The following LRRFIP1 variants were observed in gnomAD, a reference collection of about 807,000 sequenced individuals.
LRRFIP1 encodes LRR binding FLII interacting protein 1.
A neutral mutation model predicts 104.4 loss-of-function variants in LRRFIP1; 62 were observed. That is an observed-to-expected ratio of 0.59 (90% CI 0.48 to 0.73). The LOEUF (loss-of-function observed/expected upper bound fraction) is 0.73. Among genes scored for constraint, LRRFIP1 ranks in the 30% least tolerant of loss-of-function variants. LRRFIP1 has a pLI of 0.00. For synonymous variants in LRRFIP1, 300 were observed against 299.0 expected (o/e 1.00, Z -0.03); for missense variants, 796 against 824.5 (o/e 0.97, Z 0.42).
At chr2:237,658,948 A>G (rs998117457) in intron 1 of LRRFIP1, among the ~76,000 whole-genome samples, 2 of 152,208 alleles carry the variant, frequency 1.3e-5, no homozygotes, top group African/African-American at 2.4e-5. Flanking sequence ...TAATAAAACT[A>G]TATGGTACTA....
chr2:237,720,752 C>A lies in LRRFIP1; in HGVS notation c.295-20C>A. ...GTTGTATGATTCCTTCACGGTTGTT[C>A]TCGTCCTTTCTTTTAATAGGCTTCT... On this transcript the variant is annotated intron_variant, in intron 5 of 23. Transcript: ENST00000308482. 6.2e-7 allele frequency: 1 copy of A among 1,612,258 alleles called. No individual in the cohort carries two copies. The highest frequency in any genetic ancestry group is 1.6e-4 in the Middle Eastern group (1 of 6,062).
At chr2:237,692,629 G>GGGTGGGCTCTGGCGGGACCCCAGCGC in intron 1 of LRRFIP1, 1 of 1,329,754 alleles carries the variant, frequency 7.5e-7, no homozygotes, top group Non-Finnish European at 9.8e-7. Context: ...GGGAGGCGTG[G>GGGTGGGCTCTGGCGGGACCCCAGCGC]GGTGGGCTCT....
intron 1 of LRRFIP1, among the ~76,000 whole-genome samples, chr2:237,693,026 C>T (rs1188709594): frequency 6.6e-6 from 1 of 152,242 alleles, no homozygotes; most frequent in East Asian, 1.9e-4. Flanking sequence ...TTTGGCTAGT[C>T]TCCCGGGTCC....
intron 6 of LRRFIP1, chr2:237,721,783 A>G (rs764268289): frequency 5.3e-5 from 8 of 152,254 alleles, no homozygotes; most frequent in Non-Finnish European, 1.2e-4. Flanking sequence ...TGTCCTTGTC[A>G]GTGTCCTTGC....
At chr2:237,640,585 C>T (rs1163906680) in intron 1 of LRRFIP1, among the ~76,000 whole-genome samples, 2 of 152,086 alleles carry the variant, frequency 1.3e-5, no homozygotes, top group African/African-American at 4.8e-5. Flanking sequence ...GGATGTTGGA[C>T]AACAGAAAGG....
intron 1 of LRRFIP1, among the ~76,000 whole-genome samples, chr2:237,651,043 G>C (rs924568237): frequency 6.6e-6 from 1 of 152,164 alleles, no homozygotes; most frequent in African/African-American, 2.4e-5. Flanking sequence ...CTAAGGTATA[G>C]ACTAAAATTA....
At chr2:237,747,602 C>T (rs1024138674) in intron 11 of LRRFIP1, among the ~76,000 whole-genome samples, 1 of 152,332 alleles carries the variant, frequency 6.6e-6, no homozygotes, top group East Asian at 1.9e-4. Context: ...ACAACGGTGA[C>T]TGCAGAGTCC....
chr2:237,730,480 A>T (rs532692767), intron 8 of LRRFIP1, among the ~76,000 whole-genome samples: 36 of 152,362 alleles, frequency 2.4e-4, no homozygotes, highest in African/African-American at 8.7e-4. Flanking sequence ...AAAGCTAAGC[A>T]GAGGAGGTGG....
At chr2:237,755,645 G>C (rs11683400) in intron 15 of LRRFIP1, among the ~76,000 whole-genome samples, 4,838 of 152,326 alleles carry the variant, frequency 0.032, 94 homozygotes, top group Middle Eastern at 0.12. Context: ...GTTTGAAAGG[G>C]CTTGAAGGCC....
intron 18 of LRRFIP1, among the ~76,000 whole-genome samples, chr2:237,759,160 C>T (rs973150277): frequency 6.6e-6 from 1 of 152,048 alleles, no homozygotes; most frequent in Non-Finnish European, 1.5e-5. Flanking sequence ...ATATTAAAAC[C>T]CCCAATTTAA....
rs780714342 is a variant in LRRFIP1, at chr2:237,751,191, T to C, written c.796-9T>C. On this transcript the variant is annotated splice_polypyrimidine_tract_variant and intron_variant, in intron 13 of 23. Transcript: ENST00000308482. ...TGACATCATCTGCCTTTTTTGCCATTTCCCCCAGGAACTCAATGAGTTAAA... is the reference window on the plus strand; with the variant it reads ...TGACATCATCTGCCTTTTTTGCCATCTCCCCCAGGAACTCAATGAGTTAAA... 1 of 1,601,672 alleles carries C rather than the reference T, an allele frequency of 6.2e-7. No individual in the cohort carries two copies. Among genetic ancestry groups the C allele is most frequent in the Non-Finnish European group, 8.5e-7 (1 of 1,174,176 alleles).
intron 1 of LRRFIP1, among the ~76,000 whole-genome samples, chr2:237,646,954 G>T (rs1357408293): frequency 6.6e-6 from 1 of 151,984 alleles, no homozygotes; most frequent in Non-Finnish European, 1.5e-5. Context: ...GGGGTCGCTT[G>T]CTGTATTGCT....
chr2:237,780,679 G>T lies in LRRFIP1; in HGVS notation c.*1147G>T, dbSNP rs2061413129. Among the ~76,000 whole-genome samples the T allele has an allele frequency of 6.6e-6, 1 of 152,154 alleles. No homozygotes were observed. The highest frequency in any genetic ancestry group is 2.1e-4 in the South Asian group (1 of 4,830). On this transcript the variant is annotated 3_prime_UTR_variant, in exon 24 of 24. Coordinates refer to ENST00000308482, the MANE Select transcript of LRRFIP1 (RefSeq NM_001137550.2). ...TCAGTATCATCCAAAACCATATCTA[G>T]TCTTAACACATGGAGAATGCTGGAG...
At chr2:237,643,563 G>A (rs901506879) in intron 1 of LRRFIP1, among the ~76,000 whole-genome samples, 24 of 152,218 alleles carry the variant, frequency 1.6e-4, no homozygotes, top group African/African-American at 5.8e-4. Flanking sequence ...CTTCCCGCTG[G>A]GCGAAGCTGC....
chr2:237,666,771 TTCTC>T (rs1327541600), intron 1 of LRRFIP1, among the ~76,000 whole-genome samples: 5 of 95,104 alleles, frequency 5.3e-5, no homozygotes, highest in South Asian at 7.3e-4. Flanking sequence ...CTTTCTCTCT[TTCTC>T]TCTGTCTCTT....
rs1278914534 is a variant in LRRFIP1 at position 237,779,717 on chromosome 2, C to CCT, written c.*188_*189dup. Reference sequence around the variant, plus strand: ...AGGGAGCCCCAGCAGCCACCAGGTGCCTCTGTCTGCAGACCCCTGGCCCGG... The same window carrying CCT: ...AGGGAGCCCCAGCAGCCACCAGGTGCCTCTCTGTCTGCAGACCCCTGGCCCGG... On this transcript the variant is annotated 3_prime_UTR_variant, in exon 24 of 24. Transcript: ENST00000308482. 1 of 521,644 alleles carries CCT rather than the reference C, an allele frequency of 1.9e-6. No individual in the cohort carries two copies. The highest frequency in any genetic ancestry group is 3.4e-6 in the Non-Finnish European group (1 of 291,500). The allele number at this position is 521,644 out of a possible 1,614,324, so 32.3% of individuals were successfully genotyped here. A position where few individuals can be genotyped will look rare whatever the true frequency, so the allele number is the denominator to read the frequency against.
At chr2:237,687,527 C>T (rs1449862603) in intron 1 of LRRFIP1, among the ~76,000 whole-genome samples, 1 of 149,478 alleles carries the variant, frequency 6.7e-6, no homozygotes, top group Non-Finnish European at 1.5e-5. Flanking sequence ...TTGCTTGAGC[C>T]TGGGAGGCGG....
chr2:237,706,834 C>T (rs901996969), intron 1 of LRRFIP1, among the ~76,000 whole-genome samples: 1 of 152,114 alleles, frequency 6.6e-6, no homozygotes, highest in Non-Finnish European at 1.5e-5. Context: ...TACCATGTTA[C>T]CCAGGCTGGT....
intron 1 of LRRFIP1, among the ~76,000 whole-genome samples, chr2:237,673,519 G>A (rs1264066752): frequency 1.3e-5 from 2 of 152,212 alleles, no homozygotes; most frequent in African/African-American, 4.8e-5. Flanking sequence ...GCGTGGGGTG[G>A]TTCCTCACAG....
Sources: allele counts gnomAD v4.1 joint callset (sites outside exome capture counted in the v4.1 genomes callset), GRCh38; gene constraint gnomAD v4.1.1; transcripts MANE v1.5; gene names NCBI Gene and HGNC (gene_info 2026-07-23, HGNC 2026-07-21).